The following RCOR1 variants were observed in gnomAD, a reference collection of about 807,000 sequenced individuals.
RCOR1 encodes the protein REST corepressor 1.
In RCOR1, 12 loss-of-function variants were observed where a neutral mutation model predicts 64.0. That is an observed-to-expected ratio of 0.19 (90% CI 0.12 to 0.30). The LOEUF (loss-of-function observed/expected upper bound fraction) is 0.30, where lower values mean the gene tolerates loss of function less well. Among genes scored for constraint, RCOR1 ranks in the 10% least tolerant of loss-of-function variants. The pLI is 1.00. For missense variants in RCOR1, 502 were observed against 621.2 expected, an observed-to-expected ratio of 0.81 and a Z score of 2.04; for synonymous variants, 279 against 227.2, an observed-to-expected ratio of 1.23 and a Z score of -2.05.
intron 2 of RCOR1, among the ~76,000 whole-genome samples, chr14:102,593,857 C>T (rs1236282263): frequency 6.6e-6 from 1 of 152,306 alleles, no homozygotes; most frequent in South Asian, 2.1e-4. Flanking sequence ...CCCCCCAAAA[C>T]CAGTCAATAA....
At chr14:102,722,760 T>C (rs1896189963) in intron 11 of RCOR1, among the ~76,000 whole-genome samples, 1 of 152,250 alleles carries the variant, frequency 6.6e-6, no homozygotes, top group Non-Finnish European at 1.5e-5. Context: ...CAGTGAAAGC[T>C]GTCCTGTCTG....
At chr14:102,694,523 C>T (rs1053742786) in intron 3 of RCOR1, among the ~76,000 whole-genome samples, 12 of 152,170 alleles carry the variant, frequency 7.9e-5, no homozygotes, top group Non-Finnish European at 1.6e-4. Context: ...GATCCACCCG[C>T]CTCGTCCTCC....
chr14:102,632,758 CCCTCCCCTCCCCTCT>C (rs1451974353), intron 2 of RCOR1, among the ~76,000 whole-genome samples: 1 of 90,840 alleles, frequency 1.1e-5, no homozygotes, highest in African/African-American at 4.8e-5. Flanking sequence ...CCCTCCCCTC[CCCTCCCCTCCCCTCT>C]CCTCCCCTCT....
chr14:102,654,325 A>G (rs1595214381), intron 2 of RCOR1, among the ~76,000 whole-genome samples: 1 of 152,222 alleles, frequency 6.6e-6, no homozygotes, highest in East Asian at 1.9e-4. Context: ...AGACTAATAC[A>G]ATAGCCATCA....
At chr14:102,640,288 T>C (rs1894340426) in intron 2 of RCOR1, among the ~76,000 whole-genome samples, 1 of 152,190 alleles carries the variant, frequency 6.6e-6, no homozygotes, top group Admixed American at 6.5e-5. Context: ...TTTTAATTAA[T>C]TGAATGTCTG....
intron 3 of RCOR1, among the ~76,000 whole-genome samples, chr14:102,692,560 T>C (rs924298054): frequency 2.6e-5 from 4 of 152,108 alleles, no homozygotes; most frequent in African/African-American, 9.7e-5. Context: ...ATCTTTTCGG[T>C]ATGCTTATAT....
At chr14:102,722,046 T>C in intron 10 of RCOR1, 141 bp from the exon 11 acceptor site, 1 of 654,450 alleles carries the variant, frequency 1.5e-6, no homozygotes, top group Non-Finnish European at 2.7e-6. Flanking sequence ...TACTTTTTCC[T>C]ACTCTAATAA....
intron 2 of RCOR1, among the ~76,000 whole-genome samples, chr14:102,675,588 C>A (rs1269302285): frequency 6.6e-6 from 1 of 152,122 alleles, no homozygotes; most frequent in African/African-American, 2.4e-5. Context: ...GGATGTGGTG[C>A]ACAAATGGAT....
chr14:102,608,039 CAG>C (rs1278631541), intron 2 of RCOR1, among the ~76,000 whole-genome samples: 1 of 151,792 alleles, frequency 6.6e-6, no homozygotes, highest in African/African-American at 2.4e-5. Flanking sequence ...CCGGGCGAAA[CAG>C]AGAGACTCCA....
chr14:102,679,894 G>A (rs918840179), intron 2 of RCOR1, among the ~76,000 whole-genome samples: 6 of 152,158 alleles, frequency 3.9e-5, no homozygotes, highest in Non-Finnish European at 7.3e-5. Flanking sequence ...TGCATTGGCT[G>A]TCTCATTTAC....
chr14:102,677,246 C>G (rs1895197089), intron 2 of RCOR1, among the ~76,000 whole-genome samples: 1 of 123,450 alleles, frequency 8.1e-6, no homozygotes, highest in Non-Finnish European at 1.7e-5. Flanking sequence ...GGGTGGCTGG[C>G]CGGGCAGAGG....
chr14:102,628,735 G>A (rs1894035490), intron 2 of RCOR1, among the ~76,000 whole-genome samples: 1 of 152,162 alleles, frequency 6.6e-6, no homozygotes, highest in Non-Finnish European at 1.5e-5. Flanking sequence ...TGTATTTTTA[G>A]TAGAGACGGT....
At chr14:102,622,643 G>A (rs186850108) in intron 2 of RCOR1, among the ~76,000 whole-genome samples, 194 of 151,328 alleles carry the variant, frequency 1.3e-3, no homozygotes, top group African/African-American at 4.1e-3. Context: ...TCCGCCCCCC[G>A]CCCCACACAT....
At chr14:102,712,888 C>T (rs1363429912) in intron 7 of RCOR1, among the ~76,000 whole-genome samples, 2 of 146,516 alleles carry the variant, frequency 1.4e-5, no homozygotes, top group African/African-American at 5.0e-5. Flanking sequence ...TGATTTCATA[C>T]ATTTTTATAA....
chr14:102,594,350 T>C lies in RCOR1; in HGVS notation c.361+1025T>C, dbSNP rs1265345557. 6.5e-5 allele frequency among the ~76,000 whole-genome samples: 6 copies of C among 92,642 alleles called. No individual in the cohort carries two copies. The East Asian group carries it at 1.2e-3, about 18-fold the overall frequency. 60.8% of individuals were successfully genotyped at this position (92,642 alleles called of 152,430 possible). A position where few individuals can be genotyped will look rare whatever the true frequency, so the allele number is the denominator to read the frequency against. On this transcript the variant is annotated intron_variant, in intron 2 of 11. Transcript: ENST00000262241. The stretch of plus-strand genomic sequence containing the variant: ...CTGTATGTGGGTTATACCACTAGTT[T>C]ATTTGAAAAGATAAACGCATACATG...
chr14:102,620,313 A>C (rs926660799), intron 2 of RCOR1, among the ~76,000 whole-genome samples: 19 of 152,178 alleles, frequency 1.2e-4, no homozygotes, highest in African/African-American at 4.6e-4. Flanking sequence ...CACGCCTGTA[A>C]TCCCAGCACT....
rs1015172594 is a variant in RCOR1, at chr14:102,728,484, T to G, written c.*1978T>G. On this transcript the variant is annotated 3_prime_UTR_variant, in exon 12 of 12. Transcript: ENST00000262241. ...GTACACTAAGGTATGAGCTGAAGCTTTAGGTTCTCCGTGCTTCCCTCAAGA... is the reference window on the plus strand; with the variant it reads ...GTACACTAAGGTATGAGCTGAAGCTGTAGGTTCTCCGTGCTTCCCTCAAGA... 2 of 152,134 alleles carry G rather than the reference T, an allele frequency of 1.3e-5. No homozygotes were observed. The highest frequency in any genetic ancestry group is 4.8e-5 in the African/African-American group (2 of 41,424). 9.4% of individuals were successfully genotyped at this position (152,134 alleles called of 1,614,324 possible). A position where few individuals can be genotyped will look rare whatever the true frequency, so the allele number is the denominator to read the frequency against.
At chr14:102,640,573 G>A (rs1007384968) in intron 2 of RCOR1, among the ~76,000 whole-genome samples, 1 of 152,152 alleles carries the variant, frequency 6.6e-6, no homozygotes, top group Non-Finnish European at 1.5e-5. Context: ...TAATATTAGT[G>A]TAAAATAACT....
chr14:102,666,166 A>G (rs1400433675), intron 2 of RCOR1, among the ~76,000 whole-genome samples: 4 of 152,162 alleles, frequency 2.6e-5, no homozygotes, highest in African/African-American at 9.7e-5. Flanking sequence ...GTTAGAGGAA[A>G]GTCATGGCAA....
Sources: gnomAD v4.1 joint callset for allele counts (sites outside exome capture counted in the v4.1 genomes callset) on GRCh38, gnomAD v4.1.1 for gene constraint, MANE v1.5 for transcripts, NCBI Gene and HGNC (gene_info 2026-07-23, HGNC 2026-07-21) for gene names.